The following DNAJC5 variants were observed in gnomAD, a reference collection of about 807,000 sequenced individuals.
DNAJC5 encodes the protein DnaJ heat shock protein family (Hsp40) member C5, also known as dnaJ homolog subfamily C member 5.
Under a neutral mutation model 23.2 loss-of-function variants are expected in DNAJC5, and 1 was observed. That is an observed-to-expected ratio of 0.04 (90% CI 0.02 to 0.20). The LOEUF is 0.20. Ranked by LOEUF, DNAJC5 falls within the 10% of genes least tolerant of loss-of-function variation. The probability of loss-of-function intolerance (pLI) is 1.00; values close to 1 mark genes in which losing one functional copy is unlikely to be tolerated. For synonymous variants in DNAJC5, 136 were observed against 120.0 expected (o/e 1.13, Z -0.87); for missense variants, 180 against 267.0 (o/e 0.67, Z 2.27).
At position 63,920,889 on chromosome 20, in the gene DNAJC5, CTG is replaced by C. The variant is rs1306879055; in HGVS notation, c.-11-7445_-11-7444del. ...ACAGGTTTTCTCCATGTTGGTCAGG[CTG>C]GTCTCGAACTCCTGGCCACAAGAAG... On this transcript the variant is annotated intron_variant, in intron 1 of 4. Transcript: ENST00000360864. This position sits in a 1 kb window ranked among gnomAD's most constrained non-coding sequence, Gnocchi z 4.6. 1.3e-5 allele frequency among the ~76,000 whole-genome samples: 2 copies of C among 152,056 alleles called. No homozygotes were observed. The highest frequency in any genetic ancestry group is 1.3e-4 in the Admixed American group (2 of 15,264).
chr20:63,932,096 A>C lies in DNAJC5; in HGVS notation c.*528A>C. ...GGACTCTGATCTCACCTGCCAGAAG[A>C]GAGGCGGGGCCGCGTCCTCCTGGCG... is the stretch of plus-strand genomic sequence containing the variant. On this transcript the variant is annotated 3_prime_UTR_variant, in exon 5 of 5. Coordinates refer to ENST00000360864, the MANE Select transcript of DNAJC5 (RefSeq NM_025219.3). This position sits in a 1 kb window ranked among gnomAD's most constrained non-coding sequence, Gnocchi z 4.4. 5.3e-6 allele frequency: 1 copy of C among 188,816 alleles called. No homozygotes were observed. Among genetic ancestry groups the C allele is most frequent in the South Asian group, 9.5e-5 (1 of 10,532 alleles). 11.7% of individuals were successfully genotyped at this position (188,816 alleles called of 1,614,324 possible).
chr20:63,926,944 A>C (rs1444123928), intron 1 of DNAJC5, among the ~76,000 whole-genome samples: 1 of 152,200 alleles, frequency 6.6e-6, no homozygotes, highest in African/African-American at 2.4e-5. Flanking sequence ...AACATTTTCT[A>C]AGTTCCCCTG....
At chr20:63,915,640 G>A (rs576802076) in intron 1 of DNAJC5, among the ~76,000 whole-genome samples, 1 of 152,304 alleles carries the variant, frequency 6.6e-6, no homozygotes, top group East Asian at 1.9e-4. Flanking sequence ...GGCCGTACCA[G>A]TCATTGTTGA....
In DNAJC5 at chr20:63,929,643, T is replaced by C; in HGVS notation, c.321+118T>C. ...CCTGCCGTGCGGGCACCCGAGTCTC[T>C]CCTGCCGTGCGGGCACCCGAGTCTC... is the stretch of plus-strand genomic sequence containing the variant. On this transcript the variant is annotated intron_variant, in intron 3 of 4. Coordinates refer to ENST00000360864, the MANE Select transcript of DNAJC5 (RefSeq NM_025219.3). The surrounding 1 kb of genome is among the most constrained non-coding windows in gnomAD (Gnocchi z 8.6). 1.1e-6 allele frequency: 1 copy of C among 934,746 alleles called. No individual in the cohort carries two copies. The highest frequency in any genetic ancestry group is 1.6e-6 in the Non-Finnish European group (1 of 606,248). 57.9% of individuals were successfully genotyped at this position (934,746 alleles called of 1,614,324 possible).
chr20:63,915,621 G>A (rs1217645107), intron 1 of DNAJC5, among the ~76,000 whole-genome samples: 2 of 152,202 alleles, frequency 1.3e-5, no homozygotes, highest in African/African-American at 4.8e-5. Flanking sequence ...GGCAAGCACT[G>A]GGGAGCCTGG....
intron 1 of DNAJC5, among the ~76,000 whole-genome samples, chr20:63,925,644 T>G (rs991815989): frequency 6.6e-6 from 1 of 151,892 alleles, no homozygotes; most frequent in Non-Finnish European, 1.5e-5. Flanking sequence ...GGCTTGGAGG[T>G]GGGTTTCACC....
In DNAJC5 at chr20:63,916,224, G is replaced by A. The variant is rs572187889; in HGVS notation, c.-11-12111G>A. 7.9e-5 allele frequency among the ~76,000 whole-genome samples: 12 copies of A among 152,306 alleles called. No homozygotes were observed. The South Asian group carries it at 2.1e-3, about 26-fold the overall frequency. On this transcript the variant is annotated intron_variant, in intron 1 of 4. Coordinates refer to ENST00000360864, the MANE Select transcript of DNAJC5 (RefSeq NM_025219.3). ...CAGCCTCCAAAAGTGCTAGGATTCC[G>A]GGCATGAGCCATCATGCCTGGTTAT...
intron 1 of DNAJC5, among the ~76,000 whole-genome samples, chr20:63,903,277 A>T (rs1267976375): frequency 1.3e-5 from 2 of 152,078 alleles, no homozygotes; most frequent in Non-Finnish European, 2.9e-5. Flanking sequence ...ACCCTCAGTA[A>T]CTGAGATTGT....
At chr20:63,930,069 C>G (rs2053654153) in intron 3 of DNAJC5, among the ~76,000 whole-genome samples, 2 of 152,218 alleles carry the variant, frequency 1.3e-5, no homozygotes, top group African/African-American at 4.8e-5. Context: ...TCGTTTTGTT[C>G]CAAATGTCAT....
chr20:63,902,828 G>A (rs1447493638), intron 1 of DNAJC5, among the ~76,000 whole-genome samples: 13 of 149,502 alleles, frequency 8.7e-5, no homozygotes, highest in Admixed American at 4.0e-4. Flanking sequence ...GGCACCCGCC[G>A]CCACGCCCAG....
At chr20:63,921,516 G>A (rs2053572377) in intron 1 of DNAJC5, among the ~76,000 whole-genome samples, 1 of 151,640 alleles carries the variant, frequency 6.6e-6, no homozygotes, top group African/African-American at 2.4e-5. Flanking sequence ...GCGTGAACCC[G>A]GGAGGCGGAG....
intron 1 of DNAJC5, among the ~76,000 whole-genome samples, chr20:63,922,419 C>T (rs931139375): frequency 6.7e-6 from 1 of 149,918 alleles, no homozygotes; most frequent in African/African-American, 2.5e-5. Flanking sequence ...GCCAAGATTG[C>T]ACCATTGCAC....
chr20:63,913,108 G>GCCC (rs1163952355), intron 1 of DNAJC5, among the ~76,000 whole-genome samples: 1 of 79,918 alleles, frequency 1.3e-5, no homozygotes, highest in African/African-American at 8.8e-5. Context: ...GTCTCTCCCA[G>GCCC]AGGTGTTTGC....
rs768288017 is a variant in DNAJC5, at chr20:63,910,671, G to GTTTGAT, written c.-12+15351_-12+15352insGATTTT. On this transcript the variant is annotated intron_variant, in intron 1 of 4. Coordinates refer to ENST00000360864, the MANE Select transcript of DNAJC5 (RefSeq NM_025219.3). ...CTCCAAGTAATAGGGTTTTGAGAAT[G>GTTTGAT]TTTTTTTTTTTTTTTAATTGAGACA... Among the ~76,000 whole-genome samples the GTTTGAT allele has an allele frequency of 7.6e-4, 77 of 101,806 alleles. 1 individual carries two copies. Among genetic ancestry groups the GTTTGAT allele is most frequent in the African/African-American group, 3.2e-3 (58 of 18,352 alleles). The allele number at this position is 101,806 out of a possible 152,430, so 66.8% of individuals were successfully genotyped here.
chr20:63,902,800 C>G (rs534888924), intron 1 of DNAJC5, among the ~76,000 whole-genome samples: 1 of 151,304 alleles, frequency 6.6e-6, no homozygotes, highest in Non-Finnish European at 1.5e-5. Context: ...CTCAGCCTCC[C>G]GAGTAGCTGG....
rs1256524548 is a variant in DNAJC5 at position 63,928,694 on chromosome 20, A to G, written c.107+242A>G. Among the ~76,000 whole-genome samples the G allele has an allele frequency of 6.6e-6, 1 of 152,248 alleles. No homozygotes were observed. Among genetic ancestry groups the G allele is most frequent in the Non-Finnish European group, 1.5e-5 (1 of 68,046 alleles). On this transcript the variant is annotated intron_variant, in intron 2 of 4. Transcript: ENST00000360864. The surrounding 1 kb of genome is among the most constrained non-coding windows in gnomAD (Gnocchi z 4.6). The stretch of plus-strand genomic sequence containing the variant: ...TAGTAGAAACTGACACACTGTCCAC[A>G]GTTCCATAGGGAGTCAGGGTCTGAA...
chr20:63,907,228 C>G (rs1462117432), intron 1 of DNAJC5, among the ~76,000 whole-genome samples: 1 of 152,188 alleles, frequency 6.6e-6, no homozygotes, highest in Admixed American at 6.5e-5. Flanking sequence ...TGCTGAGAAT[C>G]AGTTACGATG....
rs759430323 is a variant in DNAJC5 at position 63,931,130 on chromosome 20, C to T, written c.493+108C>T. Reference sequence around the variant, plus strand: ...ACAGGAGGGCACTGACACTGTGCCGCGAGTGTTTGTGGTGGCAGCTGGGAC... The same window carrying T: ...ACAGGAGGGCACTGACACTGTGCCGTGAGTGTTTGTGGTGGCAGCTGGGAC... On this transcript the variant is annotated intron_variant, in intron 4 of 4. Coordinates refer to ENST00000360864, the MANE Select transcript of DNAJC5 (RefSeq NM_025219.3). The surrounding 1 kb of genome is among the most constrained non-coding windows in gnomAD (Gnocchi z 9.6). The T allele has an allele frequency of 8.9e-6, 11 of 1,237,622 alleles. No homozygotes were observed. The highest frequency in any genetic ancestry group is 3.0e-5 in the African/African-American group (2 of 67,444). The allele number at this position is 1,237,622 out of a possible 1,614,324, so 76.7% of individuals were successfully genotyped here. A position where few individuals can be genotyped will look rare whatever the true frequency, so the allele number is the denominator to read the frequency against.
At chr20:63,923,365 C>A (rs190397700) in intron 1 of DNAJC5, among the ~76,000 whole-genome samples, 57 of 151,392 alleles carry the variant, frequency 3.8e-4, no homozygotes, top group Admixed American at 3.1e-3. Context: ...TTTCTTGAGT[C>A]CAGGATTTCA....
Sources: gnomAD v4.1 joint callset for allele counts (sites outside exome capture counted in the v4.1 genomes callset) on GRCh38, gnomAD v4.1.1 for gene constraint, Gnocchi (gnomAD v3.1) non-coding constraint, MANE v1.5 for transcripts, NCBI Gene and HGNC (gene_info 2026-07-23, HGNC 2026-07-21) for gene names.